MEGF11: variants seen among roughly 807,000 people sequenced by gnomAD.
MEGF11 encodes multiple EGF like domains 11.
A neutral mutation model predicts 146.6 loss-of-function variants in MEGF11; 126 were observed. That is an observed-to-expected ratio of 0.86 (90% confidence interval 0.74 to 1.00). The LOEUF (loss-of-function observed/expected upper bound fraction) is 1.00, where lower values mean the gene tolerates loss of function less well. Among genes scored for constraint, MEGF11 ranks in the 50% least tolerant of loss-of-function variants. The pLI, the probability that MEGF11 is intolerant of heterozygous loss-of-function variation, is 0.00. For missense variants in MEGF11, 1,509 were observed against 1,521.2 expected (o/e 0.99, Z 0.13); for synonymous variants, 532 against 583.4 (o/e 0.91, Z 1.27).
At chr15:66,083,300 G>A (rs1286529491) in intron 5 of MEGF11, among the ~76,000 whole-genome samples, 1 of 152,162 alleles carries the variant, frequency 6.6e-6, no homozygotes, top group African/African-American at 2.4e-5. Context: ...ATCTGTATTT[G>A]TTTTAACTTA....
chr15:65,965,586 T>TTCTC, intron 8 of MEGF11, among the ~76,000 whole-genome samples: 1 of 22,742 alleles, frequency 4.4e-5, no homozygotes, highest in East Asian at 5.6e-3. Context: ...CTTTCTTTCT[T>TTCTC]TCTTTCTTTC....
chr15:66,233,909 T>C (rs2092027804), intron 1 of MEGF11, among the ~76,000 whole-genome samples: 1 of 152,102 alleles, frequency 6.6e-6, no homozygotes, highest in South Asian at 2.1e-4. Context: ...AGGCAGTCCT[T>C]TGTTCCACTG....
intron 7 of MEGF11, among the ~76,000 whole-genome samples, chr15:65,973,820 A>G (rs2081369156): frequency 6.6e-6 from 1 of 152,232 alleles, no homozygotes; most frequent in African/African-American, 2.4e-5. Flanking sequence ...GTTATGTAGA[A>G]AAATGGAGGG....
rs918494137 is a variant in MEGF11 at position 65,965,866 on chromosome 15, C to T, written c.900-746G>A. On this transcript the variant is annotated intron_variant, in intron 8 of 25. Coordinates refer to ENST00000395614, the MANE Select transcript of MEGF11 (RefSeq NM_001385028.1). The stretch of plus-strand genomic sequence containing the variant: ...CCCATAGAATTGACTGTTTTAACCA[C>T]GTACAGTTCAGTGGCATTAAGCACA... 4.6e-5 allele frequency among the ~76,000 whole-genome samples: 7 copies of T among 152,066 alleles called. No individual in the cohort carries two copies. The East Asian group carries it at 5.8e-4, about 13-fold the overall frequency.
chr15:66,213,068 A>G (rs866098726), intron 1 of MEGF11, among the ~76,000 whole-genome samples: 4 of 152,316 alleles, frequency 2.6e-5, no homozygotes, highest in Middle Eastern at 3.4e-3. Context: ...GAGAGGCCGC[A>G]GGAGATGAGG....
At chr15:66,100,847 A>C (rs1170188301) in intron 4 of MEGF11, among the ~76,000 whole-genome samples, 4 of 26,482 alleles carry the variant, frequency 1.5e-4, no homozygotes, top group African/African-American at 8.3e-4. Context: ...TGAGTGAGCC[A>C]CTGGATGGGT....
In MEGF11 at chr15:65,992,557, G is replaced by A. The variant is rs533984386; in HGVS notation, c.395-10069C>T. Among the ~76,000 whole-genome samples the A allele has an allele frequency of 3.3e-5, 5 of 152,130 alleles. 1 individual carries two copies. The highest frequency in any genetic ancestry group is 1.2e-4 in the African/African-American group (5 of 41,478). ...CAGATCTGGAAGCCAGATTCAGCAGGGTATGTGTATGTTTATTGACCTGCT... is the reference window on the plus strand; with the variant it reads ...CAGATCTGGAAGCCAGATTCAGCAGAGTATGTGTATGTTTATTGACCTGCT... On this transcript the variant is annotated intron_variant, in intron 5 of 25. Transcript: ENST00000395614.
chr15:65,955,817 ACTT>A (rs2080608282), intron 10 of MEGF11, among the ~76,000 whole-genome samples: 2 of 2,712 alleles, frequency 7.4e-4, no homozygotes, highest in Non-Finnish European at 6.0e-3. Context: ...CACACACAAT[ACTT>A]TAAATATATA....
intron 1 of MEGF11, among the ~76,000 whole-genome samples, chr15:66,195,153 G>A (rs935216776): frequency 6.6e-6 from 1 of 152,168 alleles, no homozygotes; most frequent in Non-Finnish European, 1.5e-5. Flanking sequence ...CTCTATGTCT[G>A]TGTCTTAATC....
At chr15:66,149,434 A>G (rs2089484397) in intron 1 of MEGF11, among the ~76,000 whole-genome samples, 1 of 152,216 alleles carries the variant, frequency 6.6e-6, no homozygotes, top group African/African-American at 2.4e-5. Context: ...GAATGAATCA[A>G]TATAGGTAAT....
At chr15:66,011,436 C>T (rs754871289) in intron 5 of MEGF11, among the ~76,000 whole-genome samples, 7 of 152,116 alleles carry the variant, frequency 4.6e-5, no homozygotes, top group East Asian at 1.9e-4. Flanking sequence ...AAGCGAGATG[C>T]GGAAAGCTGT....
At chr15:65,969,698 G>A (rs1230536222) in intron 8 of MEGF11, among the ~76,000 whole-genome samples, 1 of 152,114 alleles carries the variant, frequency 6.6e-6, no homozygotes, top group African/African-American at 2.4e-5. Flanking sequence ...CCCAGGCATG[G>A]AATGATGAAA....
At chr15:65,995,804 C>A (rs919187572) in intron 5 of MEGF11, among the ~76,000 whole-genome samples, 1 of 152,202 alleles carries the variant, frequency 6.6e-6, no homozygotes, top group Non-Finnish European at 1.5e-5. Flanking sequence ...TGCCCACCAG[C>A]TGCCTGGTGG....
At chr15:66,217,389 G>A (rs560861917) in intron 1 of MEGF11, among the ~76,000 whole-genome samples, 42 of 152,364 alleles carry the variant, frequency 2.8e-4, no homozygotes, top group Middle Eastern at 3.4e-3. Context: ...TTTGGATGTG[G>A]TGTTTGACCA....
At chr15:66,207,768 G>A (rs539866801) in intron 1 of MEGF11, among the ~76,000 whole-genome samples, 1 of 152,152 alleles carries the variant, frequency 6.6e-6, no homozygotes, top group South Asian at 2.1e-4. Context: ...GATGTAATTC[G>A]TATGACAATT....
At chr15:65,957,452 C>G in intron 10 of MEGF11, 95 bp downstream of exon 10, 2 of 1,225,208 alleles carry the variant, frequency 1.6e-6, no homozygotes, top group South Asian at 1.5e-5. Flanking sequence ...AAGGAGGCAG[C>G]TGGGTGCAGG....
intron 5 of MEGF11, among the ~76,000 whole-genome samples, chr15:66,077,651 C>A (rs753162962): frequency 3.3e-5 from 5 of 152,214 alleles, no homozygotes; most frequent in Non-Finnish European, 7.3e-5. Flanking sequence ...GTCATAGAGA[C>A]AAGAAAGACG....
chr15:66,205,570 G>A (rs1357429562), intron 1 of MEGF11, among the ~76,000 whole-genome samples: 1 of 152,200 alleles, frequency 6.6e-6, no homozygotes, highest in African/African-American at 2.4e-5. Context: ...CAACACACTC[G>A]CTGGTGGTAT....
At chr15:66,073,160 C>T (rs2085439034) in intron 5 of MEGF11, among the ~76,000 whole-genome samples, 1 of 152,202 alleles carries the variant, frequency 6.6e-6, no homozygotes, top group Admixed American at 6.5e-5. Context: ...CTCCGCCTCG[C>T]CAGCCTGAGA....
Sources: allele counts gnomAD v4.1 joint callset (sites outside exome capture counted in the v4.1 genomes callset), GRCh38; gene constraint gnomAD v4.1.1; transcripts MANE v1.5; gene names NCBI Gene and HGNC (gene_info 2026-07-23, HGNC 2026-07-21).